The following MAPK1IP1L variants were observed in gnomAD, a reference collection of about 807,000 sequenced individuals.
MAPK1IP1L encodes the protein mitogen-activated protein kinase 1 interacting protein 1 like, also known as MAPK-interacting and spindle-stabilizing protein-like.
Under a neutral mutation model 18.1 loss-of-function variants are expected in MAPK1IP1L, and 10 were observed. The observed-to-expected ratio is 0.55, with a 90% CI of 0.34 to 0.94. The LOEUF (loss-of-function observed/expected upper bound fraction) is 0.94. Ranked by LOEUF, MAPK1IP1L falls within the 40% of genes least tolerant of loss-of-function variation. The pLI is 0.02. For synonymous variants in MAPK1IP1L, 115 were observed against 117.3 expected (o/e 0.98, Z 0.13); for missense variants, 260 against 318.2 (o/e 0.82, Z 1.39).
In MAPK1IP1L at chr14:55,051,674, C is replaced by T. The variant is rs767344249; in HGVS notation, c.-134C>T. The T allele has an allele frequency of 1.6e-5, 8 of 514,752 alleles. No individual in the cohort carries two copies. Among genetic ancestry groups the T allele is most frequent in the Admixed American group, 7.8e-5 (4 of 51,392 alleles). 31.9% of individuals were successfully genotyped at this position (514,752 alleles called of 1,614,324 possible). ...TTCCTGTTCCGGCGCCAGGAGGAGCCGCGCGCTGCTGGTGCTGTTGCCGCC... is the reference window on the plus strand; with the variant it reads ...TTCCTGTTCCGGCGCCAGGAGGAGCTGCGCGCTGCTGGTGCTGTTGCCGCC... On this transcript the variant is annotated 5_prime_UTR_variant, in exon 1 of 4. Coordinates refer to ENST00000395468, the MANE Select transcript of MAPK1IP1L (RefSeq NM_144578.4).
At chr14:55,056,191 T>C (rs985533556) in intron 1 of MAPK1IP1L, among the ~76,000 whole-genome samples, 1 of 152,190 alleles carries the variant, frequency 6.6e-6, no homozygotes, top group Non-Finnish European at 1.5e-5. Flanking sequence ...TTTTGAACTT[T>C]AAAATTTTGA....
chr14:55,064,657 G>T lies in MAPK1IP1L; in HGVS notation c.*30G>T, dbSNP rs1392244441. 6.2e-7 allele frequency: 1 copy of T among 1,608,664 alleles called. No homozygotes were observed. Among genetic ancestry groups the T allele is most frequent in the Admixed American group, 1.7e-5 (1 of 59,750 alleles). ...ACAATGGACGAAGAGATGACGCTTT[G>T]CTTTTTGAAGTACATGTATATGCAC... On this transcript the variant is annotated 3_prime_UTR_variant, in exon 4 of 4. Transcript: ENST00000395468.
At chr14:55,055,486 G>C (rs1219402526) in intron 1 of MAPK1IP1L, among the ~76,000 whole-genome samples, 1 of 152,146 alleles carries the variant, frequency 6.6e-6, no homozygotes, top group Admixed American at 6.5e-5. Flanking sequence ...CACTGCCGAA[G>C]CCTAAGTATA....
intron 1 of MAPK1IP1L, among the ~76,000 whole-genome samples, chr14:55,056,266 G>A (rs2042770513): frequency 6.6e-6 from 1 of 152,132 alleles, no homozygotes; most frequent in Admixed American, 6.5e-5. Context: ...TCCATGACTA[G>A]GTAACTGTAT....
chr14:55,061,923 G>A (rs1226035072), intron 2 of MAPK1IP1L, among the ~76,000 whole-genome samples: 1 of 152,210 alleles, frequency 6.6e-6, no homozygotes, highest in Non-Finnish European at 1.5e-5. Flanking sequence ...GGGTGACAGA[G>A]TGAGACTCTG....
At position 55,064,748 on chromosome 14, in the gene MAPK1IP1L, C is replaced by G. The variant is rs762007409; in HGVS notation, c.*121C>G. ...GGCATTCATGAAAGAACAACTCTTG[C>G]ACCTCTCAGAGAAGATAACTGCCTC... On this transcript the variant is annotated 3_prime_UTR_variant, in exon 4 of 4. Transcript: ENST00000395468. 1.1e-6 allele frequency: 1 copy of G among 883,474 alleles called. No individual in the cohort carries two copies. Among genetic ancestry groups the G allele is most frequent in the Non-Finnish European group, 1.8e-6 (1 of 547,392 alleles). The allele number at this position is 883,474 out of a possible 1,614,324, so 54.7% of individuals were successfully genotyped here.
chr14:55,061,554 C>A, intron 1 of MAPK1IP1L, 126 bp from the exon 2 acceptor site: 1 of 668,444 alleles, frequency 1.5e-6, no homozygotes, highest in Non-Finnish European at 2.5e-6. Flanking sequence ...AAACACATTA[C>A]ATAAATAAGA....
In MAPK1IP1L at chr14:55,065,647, A is replaced by T. The variant is rs45580637; in HGVS notation, c.*1020A>T. ...CTGGCACACTCCAGGGGTCTAAAAC[A>T]TAAAACAGTTGTGTTTAGGGAACCT... is the stretch of plus-strand genomic sequence containing the variant. On this transcript the variant is annotated 3_prime_UTR_variant, in exon 4 of 4. Coordinates refer to ENST00000395468, the MANE Select transcript of MAPK1IP1L (RefSeq NM_144578.4). 1 of 152,196 alleles carries T rather than the reference A, an allele frequency of 6.6e-6. No homozygotes were observed. Among genetic ancestry groups the T allele is most frequent in the Non-Finnish European group, 1.5e-5 (1 of 68,046 alleles). 9.4% of individuals were successfully genotyped at this position (152,196 alleles called of 1,614,324 possible). A position where few individuals can be genotyped will look rare whatever the true frequency, so the allele number is the denominator to read the frequency against.
intron 1 of MAPK1IP1L, among the ~76,000 whole-genome samples, chr14:55,052,700 C>T (rs933390928): frequency 3.3e-5 from 5 of 152,158 alleles, no homozygotes; most frequent in Non-Finnish European, 5.9e-5. Context: ...AGAAACATTT[C>T]ATAAGTTCTT....
rs2042867524 is a variant in MAPK1IP1L, at chr14:55,066,985, T to TGC, written c.*2358_*2359insGC. Reference sequence around the variant, plus strand: ...CTATCTTGGTTCACTGCAAGCTCCATCTCCCAGGTTCACACCATTCTCCTG... The same window carrying TGC: ...CTATCTTGGTTCACTGCAAGCTCCATGCCTCCCAGGTTCACACCATTCTCCTG... On this transcript the variant is annotated 3_prime_UTR_variant, in exon 4 of 4. Coordinates refer to ENST00000395468, the MANE Select transcript of MAPK1IP1L (RefSeq NM_144578.4). 6.6e-6 allele frequency: 1 copy of TGC among 151,196 alleles called. No individual in the cohort carries two copies. 9.4% of individuals were successfully genotyped at this position (151,196 alleles called of 1,614,324 possible). A position where few individuals can be genotyped will look rare whatever the true frequency, so the allele number is the denominator to read the frequency against.
intron 1 of MAPK1IP1L, among the ~76,000 whole-genome samples, chr14:55,058,831 C>CAAA (rs113433341): frequency 9.1e-6 from 1 of 109,426 alleles, no homozygotes; most frequent in South Asian, 2.8e-4. Flanking sequence ...GACCCTGTCT[C>CAAA]AAAAAAAAAA....
Position 55,063,094 on chromosome 14 carries a change from T to C in MAPK1IP1L, c.495T>C (p.Asn165=), listed in dbSNP as rs2140261503. 6.2e-7 allele frequency: 1 copy of C among 1,613,358 alleles called. No homozygotes were observed. Among genetic ancestry groups the C allele is most frequent in the East Asian group, 2.2e-5 (1 of 44,866 alleles). ...PGMGGQYPTP[N]MPYPSPGPYP... is the part of the protein sequence containing the mutation. ...TGGGAGGGCAGTATCCTACCCCTAA[T>C]ATGCCATATCCATCTCCAGGCCCAT... is the stretch of plus-strand genomic sequence containing the variant. Residue 165 remains asparagine, a synonymous_variant, in exon 3 of 4, where the codon AAT becomes AAC. Coordinates refer to ENST00000395468, the MANE Select transcript of MAPK1IP1L (RefSeq NM_144578.4).
chr14:55,059,431 A>G lies in MAPK1IP1L; in HGVS notation c.-4-2249A>G, dbSNP rs191701215. Among the ~76,000 whole-genome samples, 367 of 152,268 alleles carry G rather than the reference A, an allele frequency of 2.4e-3. 1 individual carries two copies. The highest frequency in any genetic ancestry group is 7.9e-3 in the African/African-American group (330 of 41,556). ...CAGATCACTTGAGCTCCGGAGTTCA[A>G]GACCAGCCTGGGCAACATGGTGAAA... On this transcript the variant is annotated intron_variant, in intron 1 of 3. Coordinates refer to ENST00000395468, the MANE Select transcript of MAPK1IP1L (RefSeq NM_144578.4).
chr14:55,063,648 T>C (rs1475628958), intron 3 of MAPK1IP1L, among the ~76,000 whole-genome samples: 1 of 150,232 alleles, frequency 6.7e-6, no homozygotes, highest in African/African-American at 2.5e-5. Context: ...ATTATTATTA[T>C]TTCTCAGTAT....
In MAPK1IP1L at chr14:55,064,612, G is replaced by T. The variant is rs1438577347; in HGVS notation, c.727-4G>T. 1.6e-5 allele frequency: 26 copies of T among 1,612,472 alleles called. No individual in the cohort carries two copies. The highest frequency in any genetic ancestry group is 2.0e-5 in the Non-Finnish European group (23 of 1,179,426). ...AAGTTGACTTTTTCTTTTTTCTATTGCAGTCTTACCATTAAGTTAACAATG... is the reference window on the plus strand; with the variant it reads ...AAGTTGACTTTTTCTTTTTTCTATTTCAGTCTTACCATTAAGTTAACAATG... On this transcript the variant is annotated splice_polypyrimidine_tract_variant and splice_region_variant and intron_variant, in intron 3 of 3. Coordinates refer to ENST00000395468, the MANE Select transcript of MAPK1IP1L (RefSeq NM_144578.4).
At chr14:55,061,078 A>T (rs2042814307) in intron 1 of MAPK1IP1L, among the ~76,000 whole-genome samples, 1 of 152,160 alleles carries the variant, frequency 6.6e-6, no homozygotes, top group East Asian at 1.9e-4. Flanking sequence ...TGAGCCCAGG[A>T]GGTCAAGATT....
Position 55,066,145 on chromosome 14 carries a change from GCT to G in MAPK1IP1L, c.*1521_*1522del, listed in dbSNP as rs1376947258. Reference sequence around the variant, plus strand: ...TCAGACAAACAGGATTTATGCTGGAGCTCTGTTTTGCTTAGAAATAAAATATT... The same window carrying G: ...TCAGACAAACAGGATTTATGCTGGAGCTGTTTTGCTTAGAAATAAAATATT... On this transcript the variant is annotated 3_prime_UTR_variant, in exon 4 of 4. Transcript: ENST00000395468. 1 of 152,168 alleles carries G rather than the reference GCT, an allele frequency of 6.6e-6. No individual in the cohort carries two copies. Among genetic ancestry groups the G allele is most frequent in the Non-Finnish European group, 1.5e-5 (1 of 68,026 alleles). The allele number at this position is 152,168 out of a possible 1,614,324, so 9.4% of individuals were successfully genotyped here.
chr14:55,052,346 G>C (rs967103953), intron 1 of MAPK1IP1L, among the ~76,000 whole-genome samples: 1 of 152,176 alleles, frequency 6.6e-6, no homozygotes, highest in African/African-American at 2.4e-5. Flanking sequence ...TTAATCCGCA[G>C]TGTGACAACG....
Position 55,062,780 on chromosome 14 carries a change from A to C in MAPK1IP1L, c.181A>C (p.Thr61Pro). ...ACTCCCACCAAGTGCAACACCCTCC[A>C]CTGTGCCTTTTGGACCAGCACCAAC... ...SGLPPSATPSTVPFGPAPTGM... is the reference protein window; with the variant it reads ...SGLPPSATPSPVPFGPAPTGM... Residue 61 changes from threonine (T) to proline (P), a missense_variant, in exon 3 of 4, where the codon ACT becomes CCT. Physicochemically the swap from Thr to Pro is conservative, Grantham distance 38 (BLOSUM62 -1). Coordinates refer to ENST00000395468, the MANE Select transcript of MAPK1IP1L (RefSeq NM_144578.4). 1 of 1,613,948 alleles carries C rather than the reference A, an allele frequency of 6.2e-7. No individual in the cohort carries two copies. The highest frequency in any genetic ancestry group is 1.1e-5 in the South Asian group (1 of 91,056).
Sources: allele counts gnomAD v4.1 joint callset (sites outside exome capture counted in the v4.1 genomes callset), GRCh38; gene constraint gnomAD v4.1.1; transcripts MANE v1.5; gene names NCBI Gene and HGNC (gene_info 2026-07-23, HGNC 2026-07-21).